Variants in GABRG1 observed in about 807,000 individuals in gnomAD.
The protein encoded by GABRG1 is gamma-aminobutyric acid type A receptor subunit gamma1.
A neutral mutation model predicts 49.8 loss-of-function variants in GABRG1; 49 were observed. The observed-to-expected ratio is 0.98, with a 90% CI of 0.78 to 1.25. GABRG1 has a LOEUF of 1.25. GABRG1 is among the 50% of genes most tolerant of loss of function. GABRG1 has a pLI of 0.00. For missense variants in GABRG1, 552 were observed against 552.3 expected (o/e 1.00, Z 0.01); for synonymous variants, 232 against 185.1 (o/e 1.25, Z -2.06).
intron 3 of GABRG1, among the ~76,000 whole-genome samples, chr4:46,073,563 G>T (rs1719218525): frequency 6.6e-6 from 1 of 151,916 alleles, no homozygotes; most frequent in South Asian, 2.1e-4. Context: ...ATGAATAAAT[G>T]ATTGAATAAG....
intron 1 of GABRG1, among the ~76,000 whole-genome samples, chr4:46,108,073 A>C (rs1190004027): frequency 6.6e-6 from 1 of 151,184 alleles, no homozygotes; most frequent in Non-Finnish European, 1.5e-5. Context: ...AATACAGAAA[A>C]ATTATTATAT....
intron 8 of GABRG1, among the ~76,000 whole-genome samples, chr4:46,047,338 A>G (rs1718043789): frequency 6.6e-6 from 1 of 152,062 alleles, no homozygotes; most frequent in African/African-American, 2.4e-5. Context: ...CTAATTTGTT[A>G]TCTTGAAAAC....
chr4:46,041,032 C>T lies in GABRG1; in HGVS notation c.1354G>A (p.Ala452Thr). 1 of 1,612,772 alleles carries T rather than the reference C, an allele frequency of 6.2e-7. No homozygotes were observed. The highest frequency in any genetic ancestry group is 8.5e-7 in the Non-Finnish European group (1 of 1,179,174). Residue 452 changes from alanine to threonine, a missense_variant, in exon 9 of 9, where the codon GCC becomes ACC. Physicochemically the swap from Ala to Thr is moderately conservative, Grantham distance 58 (BLOSUM62 0). Coordinates refer to ENST00000295452, the MANE Select transcript of GABRG1 (RefSeq NM_173536.4). ...YSRIFFPTAFALFNLVYWVGY... is the reference protein window; with the variant it reads ...YSRIFFPTAFTLFNLVYWVGY... ...ACCCAATAAACCAAGTTGAACAGGG[C>T]AAAAGCGGTTGGGAAAAATATTCTA...
At position 46,070,559 on chromosome 4, in the gene GABRG1, G is replaced by T. The variant is rs924857151; in HGVS notation, c.322-4975C>A. 1.1e-4 allele frequency among the ~76,000 whole-genome samples: 17 copies of T among 152,070 alleles called. No homozygotes were observed. In the East Asian group the frequency reaches 1.7e-3, roughly 16 times the overall value. Reference sequence around the variant, plus strand: ...TGGAGCAAGCTATTCTTGTGAGCTTGTATTAGTAAAGGTACTCCATAGAAA... The same window carrying T: ...TGGAGCAAGCTATTCTTGTGAGCTTTTATTAGTAAAGGTACTCCATAGAAA... On this transcript the variant is annotated intron_variant, in intron 3 of 8. Coordinates refer to ENST00000295452, the MANE Select transcript of GABRG1 (RefSeq NM_173536.4).
At chr4:46,078,640 T>C (rs551634622) in intron 3 of GABRG1, among the ~76,000 whole-genome samples, 1 of 152,092 alleles carries the variant, frequency 6.6e-6, no homozygotes, top group South Asian at 2.1e-4. Flanking sequence ...TCCATATGTT[T>C]AGAATGCTTA....
chr4:46,105,169 CAGAA>C (rs1720492235), intron 1 of GABRG1, among the ~76,000 whole-genome samples: 1 of 151,198 alleles, frequency 6.6e-6, no homozygotes, highest in Non-Finnish European at 1.5e-5. Context: ...AGGAAGCTGG[CAGAA>C]TGATACTTGC....
At chr4:46,089,699 C>A (rs6853374) in intron 2 of GABRG1, among the ~76,000 whole-genome samples, 94,535 of 152,058 alleles carry the variant, frequency 0.62, 31,084 homozygotes, top group African/African-American at 0.83. Context: ...ATGGTGGCTT[C>A]TGCCAGTAAT....
At chr4:46,075,730 A>G (rs2109416764) in intron 3 of GABRG1, among the ~76,000 whole-genome samples, 1 of 152,228 alleles carries the variant, frequency 6.6e-6, no homozygotes, top group Non-Finnish European at 1.5e-5. Context: ...GGTCCTTGCT[A>G]TATAAAGAAA....
Position 46,099,102 on chromosome 4 carries a change from A to T in GABRG1, c.105-1753T>A, listed in dbSNP as rs375672173. ...CACGGATTAATAACAGTGTATTATTAACAATGTTTCTCCTCTTCTTGTGAA... is the reference window on the plus strand; with the variant it reads ...CACGGATTAATAACAGTGTATTATTTACAATGTTTCTCCTCTTCTTGTGAA... On this transcript the variant is annotated intron_variant, in intron 1 of 8. Transcript: ENST00000295452. Among the ~76,000 whole-genome samples, 14 of 151,868 alleles carry T rather than the reference A, an allele frequency of 9.2e-5. No individual in the cohort carries two copies. The South Asian group carries it at 2.9e-3, about 31-fold the overall frequency.
intron 1 of GABRG1, among the ~76,000 whole-genome samples, chr4:46,119,506 A>T (rs1260842741): frequency 6.6e-6 from 1 of 151,518 alleles, no homozygotes; most frequent in Non-Finnish European, 1.5e-5. Flanking sequence ...TGAGAGAATA[A>T]CAATATCGAG....
intron 8 of GABRG1, among the ~76,000 whole-genome samples, chr4:46,043,929 T>C (rs1717884087): frequency 6.6e-6 from 1 of 151,974 alleles, no homozygotes; most frequent in African/African-American, 2.4e-5. Flanking sequence ...AGTATTTACA[T>C]ATAGTTATTA....
intron 2 of GABRG1, among the ~76,000 whole-genome samples, chr4:46,094,689 G>A (rs896983940): frequency 1.3e-5 from 2 of 151,692 alleles, no homozygotes; most frequent in Admixed American, 6.6e-5. Context: ...AGGAAAAGAA[G>A]AATCAATGAA....
At chr4:46,095,767 G>A (rs1720145329) in intron 2 of GABRG1, among the ~76,000 whole-genome samples, 1 of 151,788 alleles carries the variant, frequency 6.6e-6, no homozygotes, top group African/African-American at 2.4e-5. Context: ...TCAATAAAGA[G>A]ATGACTAAAA....
chr4:46,054,132 A>G (rs1269200876), intron 7 of GABRG1, among the ~76,000 whole-genome samples: 2 of 51,318 alleles, frequency 3.9e-5, no homozygotes, highest in African/African-American at 2.2e-4. Flanking sequence ...TGTTTTTCTC[A>G]GGTTTGTCAA....
intron 1 of GABRG1, among the ~76,000 whole-genome samples, chr4:46,103,967 G>A (rs558935657): frequency 7.9e-5 from 12 of 151,296 alleles, no homozygotes; most frequent in Non-Finnish European, 1.5e-4. Context: ...TTCTATATAC[G>A]TTACACTAAG....
chr4:46,106,145 G>T (rs1720539916), intron 1 of GABRG1, among the ~76,000 whole-genome samples: 1 of 151,444 alleles, frequency 6.6e-6, no homozygotes, highest in Non-Finnish European at 1.5e-5. Context: ...TTAGAATAGG[G>T]TAGACACCTG....
intron 2 of GABRG1, among the ~76,000 whole-genome samples, chr4:46,085,848 A>G (rs1688222659): frequency 6.6e-6 from 1 of 151,580 alleles, no homozygotes; most frequent in Non-Finnish European, 1.5e-5. Context: ...AGTTTATTCA[A>G]TTGCAAGATA....
At chr4:46,050,512 T>C (rs895001276) in intron 8 of GABRG1, among the ~76,000 whole-genome samples, 3 of 151,958 alleles carry the variant, frequency 2.0e-5, no homozygotes, top group Admixed American at 6.6e-5. Context: ...AATGCCTGGC[T>C]ATTTGATACA....
chr4:46,072,802 A>G (rs1227144967), intron 3 of GABRG1, among the ~76,000 whole-genome samples: 1 of 152,100 alleles, frequency 6.6e-6, no homozygotes. Context: ...ATGTGCGATG[A>G]ATTTTTTAAT....
Sources: gnomAD v4.1 joint callset for allele counts (sites outside exome capture counted in the v4.1 genomes callset) on GRCh38, gnomAD v4.1.1 for gene constraint, MANE v1.5 for transcripts, NCBI Gene and HGNC (gene_info 2026-07-23, HGNC 2026-07-21) for gene names.